C1S: variants seen among roughly 807,000 people sequenced by gnomAD.
The protein encoded by C1S is complement C1s subcomponent.
C1S carries 31 observed loss-of-function variants against 54.0 expected under a neutral mutation model. The observed-to-expected ratio is 0.57, with a 90% CI of 0.43 to 0.78. The LOEUF (loss-of-function observed/expected upper bound fraction) is 0.78, where lower values mean the gene tolerates loss of function less well. Among genes scored for constraint, C1S ranks in the 30% least tolerant of loss-of-function variants. The pLI is 0.00. For synonymous variants in C1S, 292 were observed against 303.6 expected, an observed-to-expected ratio of 0.96 and a Z score of 0.40; for missense variants, 727 against 851.8, an observed-to-expected ratio of 0.85 and a Z score of 1.82.
chr12:7,068,113 T>G (rs1937724545), intron 10 of C1S, among the ~76,000 whole-genome samples: 2 of 152,190 alleles, frequency 1.3e-5, no homozygotes, highest in South Asian at 2.1e-4. Context: ...CAAACTACAC[T>G]GACTGGCTTT....
intron 4 of C1S, chr12:7,063,292 C>T: frequency 1.8e-6 from 1 of 570,108 alleles, no homozygotes; most frequent in Admixed American, 2.7e-5. Context: ...TAATAAACAG[C>T]AATTTGTTGA....
At chr12:7,063,890 G>A (rs1377847861) in intron 4 of C1S, 2 of 412,524 alleles carry the variant, frequency 4.8e-6, no homozygotes, top group African/African-American at 2.0e-5. Flanking sequence ...ACCAGGCATA[G>A]TGGTGGTGCG....
chr12:7,069,943 CT>C lies in C1S; in HGVS notation c.1361del (p.Phe454SerfsTer18). ...ADIKNFPWQV[F>X]FDNPWAGGAL... is the part of the protein sequence containing the mutation. ...ATATTAAAAACTTCCCCTGGCAAGTCTTCTTTGACAACCCATGGGCTGGTGG... is the reference window on the plus strand; with the variant it reads ...ATATTAAAAACTTCCCCTGGCAAGTCTCTTTGACAACCCATGGGCTGGTGG... On this transcript the variant is annotated frameshift_variant, in exon 12 of 12. Transcript: ENST00000360817. LOFTEE classifies it low-confidence loss of function (END_TRUNC). The C allele has an allele frequency of 6.2e-7, 1 of 1,614,166 alleles. No individual in the cohort carries two copies. The highest frequency in any genetic ancestry group is 8.5e-7 in the Non-Finnish European group (1 of 1,180,022).
intron 7 of C1S, 120 bp downstream of exon 7, chr12:7,066,090 AG>A: frequency 6.6e-6 from 6 of 911,706 alleles, no homozygotes; most frequent in Non-Finnish European, 1.1e-5. Context: ...CTACCGAGGG[AG>A]GCTGAGGCAG....
intron 6 of C1S, chr12:7,065,570 A>G (rs1338281100): frequency 6.6e-6 from 4 of 610,202 alleles, no homozygotes; most frequent in South Asian, 4.0e-5. Flanking sequence ...GGGTTTTGCT[A>G]TGTTGCTCAG....
chr12:7,065,997 G>A (rs782379720), intron 7 of C1S, 27 bp downstream of exon 7: 1 of 1,607,610 alleles, frequency 6.2e-7, no homozygotes. Flanking sequence ...TGCCTCTTTG[G>A]TTGGTGATAC....
intron 4 of C1S, chr12:7,063,463 T>C (rs1329616787): frequency 4.6e-6 from 2 of 430,900 alleles, no homozygotes; most frequent in Non-Finnish European, 9.5e-6. Flanking sequence ...ACACAAGGAA[T>C]GTGTAGTATT....
At chr12:7,064,136 A>T (rs1947138227) in intron 4 of C1S, 131 bp from the exon 5 acceptor site, 2 of 915,564 alleles carry the variant, frequency 2.2e-6, no homozygotes, top group Non-Finnish European at 3.6e-6. Context: ...GTAGCCTGAA[A>T]TGTGATCCCT....
chr12:7,068,251 C>G (rs1167431402), intron 10 of C1S, among the ~76,000 whole-genome samples: 1 of 152,176 alleles, frequency 6.6e-6, no homozygotes, highest in African/African-American at 2.4e-5. Context: ...GGAGATGTTC[C>G]CTTTGTCTCC....
In C1S at chr12:7,067,020, G is replaced by T; in HGVS notation, c.988-19G>T. On this transcript the variant is annotated intron_variant, in intron 8 of 11. Transcript: ENST00000360817. ...ATATCTCTCTTCAGAAATAAGTGGT[G>T]ATGTTTATTATTCTCCAGGGACGTG... 6.3e-7 allele frequency: 1 copy of T among 1,575,338 alleles called. No homozygotes were observed. Among genetic ancestry groups the T allele is most frequent in the Non-Finnish European group, 8.7e-7 (1 of 1,144,668 alleles).
chr12:7,069,512 CAT>C lies in C1S; in HGVS notation c.1271-342_1271-341del, dbSNP rs763577755. The stretch of plus-strand genomic sequence containing the variant: ...CTGGCTCTTGATTGGGCACCGGCCT[CAT>C]GTGCCGAGTTGGGAGGTGCAAAGGG... On this transcript the variant is annotated intron_variant, in intron 11 of 11. Coordinates refer to ENST00000360817, the MANE Select transcript of C1S (RefSeq NM_001734.5). 5.9e-5 allele frequency among the ~76,000 whole-genome samples: 9 copies of C among 152,248 alleles called. 1 individual carries two copies. Among genetic ancestry groups the C allele is most frequent in the Non-Finnish European group, 1.3e-4 (9 of 68,054 alleles).
intron 1 of C1S, 29 bp downstream of exon 1, chr12:7,060,906 C>T (rs1426281801): frequency 6.6e-6 from 1 of 152,170 alleles, no homozygotes; most frequent in Non-Finnish European, 1.5e-5. Flanking sequence ...AGGAGCAGAG[C>T]TTTGATGGAG....
chr12:7,067,804 G>A (rs781880927), intron 10 of C1S, 33 bp downstream of exon 10: 1 of 1,608,100 alleles, frequency 6.2e-7, no homozygotes, highest in South Asian at 1.1e-5. Context: ...GAGAGAGAGA[G>A]AGTGAGAAGG....
At chr12:7,063,180 T>A in intron 4 of C1S, 113 bp downstream of exon 4, 1 of 1,073,652 alleles carries the variant, frequency 9.3e-7, no homozygotes. Context: ...TTATAAAAAG[T>A]GTTGACTTGG....
chr12:7,062,729 G>A (rs781871419), intron 3 of C1S, 47 bp downstream of exon 3: 3 of 1,580,142 alleles, frequency 1.9e-6, no homozygotes, highest in Admixed American at 1.7e-5. Context: ...CTAGGGCTAA[G>A]GTAGCGGAAT....
At chr12:7,061,670 G>T in intron 1 of C1S, 169 bp from the exon 2 acceptor site, 1 of 605,414 alleles carries the variant, frequency 1.7e-6, no homozygotes, top group Non-Finnish European at 3.0e-6. Flanking sequence ...AAAGTTAGTC[G>T]AAGTTAACTA....
intron 1 of C1S, 109 bp downstream of exon 1, chr12:7,060,986 AT>A (rs1298175783): frequency 6.6e-6 from 1 of 152,302 alleles, no homozygotes; most frequent in Non-Finnish European, 1.5e-5. Flanking sequence ...CAAAGGCAGC[AT>A]AAAAAAAGGC....
intron 9 of C1S, chr12:7,067,343 T>A (rs1937694273): frequency 1.6e-6 from 1 of 628,974 alleles, no homozygotes; most frequent in African/African-American, 1.8e-5. Flanking sequence ...ATGGGATAGG[T>A]CGAGTTAGTA....
intron 5 of C1S, among the ~76,000 whole-genome samples, chr12:7,064,682 CCT>C (rs1359297427): frequency 5.9e-5 from 9 of 152,028 alleles, no homozygotes; most frequent in African/African-American, 1.2e-4. Flanking sequence ...TTTTCTCGCC[CCT>C]GTTTCAACCT....
Sources: gnomAD v4.1 joint callset for allele counts (sites outside exome capture counted in the v4.1 genomes callset) on GRCh38, gnomAD v4.1.1 for gene constraint, MANE v1.5 for transcripts, NCBI Gene and HGNC (gene_info 2026-07-23, HGNC 2026-07-21) for gene names.